The following SEM1 variants were observed in gnomAD, a reference collection of about 807,000 sequenced individuals.
SEM1 encodes the protein SEM1 26S proteasome subunit, also known as 26S proteasome complex subunit SEM1.
In SEM1, 3 loss-of-function variants were observed where a neutral mutation model predicts 12.7. The observed-to-expected ratio is 0.24, with a 90% CI of 0.11 to 0.61. The LOEUF is 0.61. SEM1 is among the 20% of genes least tolerant of loss of function. The pLI is 0.88. For missense variants in SEM1, 59 were observed against 81.3 expected (o/e 0.73, Z 1.06); for synonymous variants, 30 against 27.8 (o/e 1.08, Z -0.25).
At chr7:96,581,359 T>A (rs1183245375) in intron 2 of SEM1, among the ~76,000 whole-genome samples, 2 of 152,152 alleles carry the variant, frequency 1.3e-5, no homozygotes, top group African/African-American at 2.4e-5. Context: ...TACCATGCTG[T>A]TTTGGTGACT....
downstream of SEM1, among the ~76,000 whole-genome samples, chr7:96,685,634 T>A (rs1789740970): frequency 6.6e-6 from 1 of 152,064 alleles, no homozygotes; most frequent in African/African-American, 2.4e-5. Flanking sequence ...TTTCTTCATA[T>A]ATGAAATGTA....
chr7:96,687,571 G>A (rs1283335720), downstream of SEM1, among the ~76,000 whole-genome samples: 9 of 151,762 alleles, frequency 5.9e-5, no homozygotes, highest in Non-Finnish European at 1.2e-4. Context: ...CTCATAGATG[G>A]GAATTGAACA....
chr7:96,687,387 A>G (rs1261038449), downstream of SEM1, among the ~76,000 whole-genome samples: 1 of 152,188 alleles, frequency 6.6e-6, no homozygotes, highest in Non-Finnish European at 1.5e-5. Flanking sequence ...GAACCAACCC[A>G]AATGTCCAGC....
Position 96,599,335 on chromosome 7 carries a change from A to G in SEM1, c.171-92637T>C, listed in dbSNP as rs142363680. 2.2e-4 allele frequency among the ~76,000 whole-genome samples: 34 copies of G among 152,328 alleles called. 1 individual carries two copies. In the East Asian group the frequency reaches 6.6e-3, roughly 29 times the overall value. On this transcript the variant is annotated intron_variant and NMD_transcript_variant, in intron 2 of 3. Transcript: ENST00000466986. The stretch of plus-strand genomic sequence containing the variant: ...GAAACTGAAGGGACAGAGGACTAGT[A>G]AAAACCAAACCAAAACAACAAACAG...
chr7:96,589,979 G>A lies in SEM1; in HGVS notation c.171-83281C>T, dbSNP rs755129538. Among the ~76,000 whole-genome samples the A allele has an allele frequency of 8.3e-4, 127 of 152,100 alleles. 1 individual carries two copies. The highest frequency in any genetic ancestry group is 2.0e-3 in the Admixed American group (31 of 15,278). On this transcript the variant is annotated intron_variant and NMD_transcript_variant, in intron 2 of 3. Transcript: ENST00000466986. ...TGGAGTTTTCACATTTATGCATACA[G>A]AGAAAATTTATATTTTACTAGAATG...
chr7:96,604,097 A>C (rs1211601912), intron 2 of SEM1, among the ~76,000 whole-genome samples: 1 of 152,210 alleles, frequency 6.6e-6, no homozygotes, highest in Non-Finnish European at 1.5e-5. Context: ...TGAGCAAAGA[A>C]GTAATGCAAT....
intron 2 of SEM1, among the ~76,000 whole-genome samples, chr7:96,558,870 T>C (rs75072543): frequency 0.029 from 4,438 of 152,302 alleles, 211 homozygotes; most frequent in African/African-American, 0.1. Context: ...GCATGGTATT[T>C]GGAGTTGGTA....
At chr7:96,513,942 T>C (rs1000892495) in intron 2 of SEM1, among the ~76,000 whole-genome samples, 1 of 152,164 alleles carries the variant, frequency 6.6e-6, no homozygotes, top group African/African-American at 2.4e-5. Flanking sequence ...TTTCATTTAA[T>C]AAATATATTG....
At position 96,613,212 on chromosome 7, in the gene SEM1, CTT is replaced by C. The variant is rs551669231; in HGVS notation, c.170+81584_170+81585del. The stretch of plus-strand genomic sequence containing the variant: ...TAACTGATAGCTATGCAAAATAATT[CTT>C]GTCTATAGACATAAAAATTCTGTCT... On this transcript the variant is annotated intron_variant and NMD_transcript_variant, in intron 2 of 3. Transcript: ENST00000466986. Among the ~76,000 whole-genome samples the C allele has an allele frequency of 5.2e-3, 785 of 152,214 alleles. 3 individuals are homozygous for C. Among genetic ancestry groups the C allele is most frequent in the Non-Finnish European group, 8.9e-3 (608 of 68,014 alleles).
chr7:96,659,652 C>G (rs9656040), intron 2 of SEM1, among the ~76,000 whole-genome samples: 50,563 of 151,824 alleles, frequency 0.33, 9,941 homozygotes, highest in African/African-American at 0.56. Flanking sequence ...GGAAGAAAGA[C>G]TGATTAGAAT....
intron 2 of SEM1, among the ~76,000 whole-genome samples, chr7:96,648,187 G>T (rs114953290): frequency 1.7e-4 from 26 of 152,334 alleles, no homozygotes; most frequent in African/African-American, 6.3e-4. Context: ...AGTCAAGAAG[G>T]TTGCTGTGAA....
At chr7:96,517,941 A>G (rs1330921685) in intron 2 of SEM1, among the ~76,000 whole-genome samples, 4 of 152,178 alleles carry the variant, frequency 2.6e-5, no homozygotes, top group African/African-American at 4.8e-5. Flanking sequence ...ATGGAGAGGC[A>G]TACTTGCATT....
At chr7:96,685,650 T>C (rs905684346), downstream of SEM1, among the ~76,000 whole-genome samples, 1 of 152,042 alleles carries the variant, frequency 6.6e-6, no homozygotes, top group African/African-American at 2.4e-5. Flanking sequence ...ATGTACATGA[T>C]AACATTACCT....
intron 2 of SEM1, among the ~76,000 whole-genome samples, chr7:96,516,180 A>G (rs1023772154): frequency 2.6e-5 from 4 of 152,122 alleles, no homozygotes; most frequent in Non-Finnish European, 4.4e-5. Flanking sequence ...TAGATAACCA[A>G]TGACTTTAGA....
At chr7:96,544,404 CATAAT>C (rs1277771029) in intron 2 of SEM1, among the ~76,000 whole-genome samples, 1 of 151,930 alleles carries the variant, frequency 6.6e-6, no homozygotes, top group African/African-American at 2.4e-5. Flanking sequence ...ATCAGATGAA[CATAAT>C]ATAATTATAA....
At chr7:96,601,420 C>G (rs1482122040) in intron 2 of SEM1, among the ~76,000 whole-genome samples, 1 of 152,106 alleles carries the variant, frequency 6.6e-6, no homozygotes, top group Non-Finnish European at 1.5e-5. Context: ...AGAATTTGAA[C>G]AAACTCTTGC....
At chr7:96,570,727 T>C (rs1805995911) in intron 2 of SEM1, among the ~76,000 whole-genome samples, 2 of 152,188 alleles carry the variant, frequency 1.3e-5, no homozygotes, top group Non-Finnish European at 2.9e-5. Context: ...AGTAATGGGA[T>C]GGTTGGGTCG....
downstream of SEM1, among the ~76,000 whole-genome samples, chr7:96,620,285 C>G (rs1807851055): frequency 6.6e-6 from 1 of 152,102 alleles, no homozygotes; most frequent in Non-Finnish European, 1.5e-5. Context: ...CAACAGCAGC[C>G]TGCGGCAGGG....
At chr7:96,703,401 A>G (rs1790331170) in intron 1 of SEM1, among the ~76,000 whole-genome samples, 1 of 152,226 alleles carries the variant, frequency 6.6e-6, no homozygotes, top group Admixed American at 6.5e-5. Flanking sequence ...CAAATGGTTT[A>G]GAGAAAAATG....
Sources: allele counts gnomAD v4.1 joint callset (sites outside exome capture counted in the v4.1 genomes callset), GRCh38; gene constraint gnomAD v4.1.1; transcripts MANE v1.5; gene names NCBI Gene and HGNC (gene_info 2026-07-23, HGNC 2026-07-21).